XPO4: variants seen among roughly 807,000 people sequenced by gnomAD.
XPO4 encodes the protein exportin 4, also known as exportin-4.
Under a neutral mutation model 143.0 loss-of-function variants are expected in XPO4, and 39 were observed. The ratio of observed to expected loss-of-function variants is 0.27; its 90% CI spans 0.21 to 0.36. The LOEUF is 0.36. Among genes scored for constraint, XPO4 ranks in the 10% least tolerant of loss-of-function variants. XPO4 has a pLI of 1.00. For synonymous variants in XPO4, 439 were observed against 474.0 expected, an observed-to-expected ratio of 0.93 and a Z score of 0.96; for missense variants, 907 against 1,348.0, an observed-to-expected ratio of 0.67 and a Z score of 5.12.
At chr13:20,790,801 T>C (rs1027433594) in intron 18 of XPO4, among the ~76,000 whole-genome samples, 36 of 152,154 alleles carry the variant, frequency 2.4e-4, no homozygotes, top group African/African-American at 8.7e-4. Context: ...CCCTGTGTCA[T>C]CCTTTTGAGT....
At chr13:20,862,229 A>T (rs2060208005) in intron 3 of XPO4, among the ~76,000 whole-genome samples, 1 of 152,220 alleles carries the variant, frequency 6.6e-6, no homozygotes, top group South Asian at 2.1e-4. Flanking sequence ...GCATCAAAAG[A>T]ACAAGTAAAT....
intron 1 of XPO4, among the ~76,000 whole-genome samples, chr13:20,873,833 G>A (rs1156911363): frequency 6.6e-6 from 1 of 151,906 alleles, no homozygotes; most frequent in African/African-American, 2.4e-5. Context: ...CTTTTCCCTG[G>A]GCAGCAATAA....
intron 1 of XPO4, among the ~76,000 whole-genome samples, chr13:20,888,905 T>A (rs1423660083): frequency 6.6e-6 from 1 of 151,814 alleles, no homozygotes; most frequent in Non-Finnish European, 1.5e-5. Flanking sequence ...CGGGTTCAAG[T>A]GATTCTCCTG....
chr13:20,875,869 C>T (rs538675023), intron 1 of XPO4, among the ~76,000 whole-genome samples: 15 of 152,084 alleles, frequency 9.9e-5, no homozygotes, highest in Admixed American at 2.0e-4. Context: ...ACAAGTAATA[C>T]GATTCCAATT....
At chr13:20,857,843 C>T (rs556586004) in intron 3 of XPO4, 243 of 985,326 alleles carry the variant, frequency 2.5e-4, no homozygotes, top group African/African-American at 1.1e-3. Flanking sequence ...CACTATGCTA[C>T]ACTTGCCTCT....
intron 6 of XPO4, among the ~76,000 whole-genome samples, chr13:20,838,114 G>A (rs967328857): frequency 5.3e-5 from 8 of 152,128 alleles, no homozygotes; most frequent in African/African-American, 1.4e-4. Flanking sequence ...TTGCATGAGC[G>A]TAAATCTTGA....
At chr13:20,882,454 C>T (rs938432281) in intron 1 of XPO4, among the ~76,000 whole-genome samples, 1 of 152,082 alleles carries the variant, frequency 6.6e-6, no homozygotes, top group Non-Finnish European at 1.5e-5. Context: ...CTCCGGTGAA[C>T]TCAGAGGGAG....
rs190287703 is a variant in XPO4, at chr13:20,848,751, C to T, written c.457-4865G>A. On this transcript the variant is annotated intron_variant, in intron 4 of 22. Transcript: ENST00000255305. ...ACTTCTATGCCCAGCACTATGTTAA[C>T]ATAACAGAAGTTGGAAAATAAATGA... The T allele has an allele frequency of 2.5e-5, 25 of 985,270 alleles. No individual in the cohort carries two copies. In the African/African-American group the frequency reaches 3.7e-4, roughly 14 times the overall value. The allele number at this position is 985,270 out of a possible 1,614,324, so 61.0% of individuals were successfully genotyped here.
intron 14 of XPO4, 36 bp downstream of exon 14, chr13:20,800,795 T>C: frequency 1.2e-6 from 2 of 1,602,860 alleles, no homozygotes; most frequent in Non-Finnish European, 8.5e-7. Context: ...GCTATCATCA[T>C]AAATCCAAAT....
chr13:20,875,263 C>T (rs1409850185), intron 1 of XPO4, among the ~76,000 whole-genome samples: 1 of 152,132 alleles, frequency 6.6e-6, no homozygotes, highest in African/African-American at 2.4e-5. Context: ...TCCATTAACA[C>T]AAAATGAAAC....
In XPO4 at chr13:20,807,102, C is replaced by T. The variant is rs893304546; in HGVS notation, c.1817+355G>A. Reference sequence around the variant, plus strand: ...AGCTTTTATGAACGATACTTGTTGACGTTCATCTGGTTCCCTTCATTTAGG... The same window carrying T: ...AGCTTTTATGAACGATACTTGTTGATGTTCATCTGGTTCCCTTCATTTAGG... On this transcript the variant is annotated intron_variant, in intron 13 of 22. Coordinates refer to ENST00000255305, the MANE Select transcript of XPO4 (RefSeq NM_022459.5). 2.6e-5 allele frequency among the ~76,000 whole-genome samples: 4 copies of T among 152,222 alleles called. No individual in the cohort carries two copies. The South Asian group carries it at 8.3e-4, about 32-fold the overall frequency.
In XPO4 at chr13:20,839,573, A is replaced by G. The variant is rs182715646; in HGVS notation, c.727+3322T>C. ...TTATTGAGACTGGGCATGGTGGCTC[A>G]TGCCTGTAATGCCAGCACTTTGGGA... On this transcript the variant is annotated intron_variant, in intron 6 of 22. Transcript: ENST00000255305. Among the ~76,000 whole-genome samples, 510 of 152,358 alleles carry G rather than the reference A, an allele frequency of 3.3e-3. 4 individuals carry two copies. The highest frequency in any genetic ancestry group is 0.012 in the African/African-American group (490 of 41,576).
intron 18 of XPO4, among the ~76,000 whole-genome samples, chr13:20,795,794 A>G (rs1315350179): frequency 2.0e-5 from 3 of 152,210 alleles, no homozygotes; most frequent in African/African-American, 4.8e-5. Context: ...TAAAGTGAGA[A>G]TAACAATGGG....
chr13:20,854,332 G>A (rs980159078), intron 4 of XPO4, among the ~76,000 whole-genome samples: 2 of 152,158 alleles, frequency 1.3e-5, no homozygotes, highest in Admixed American at 6.5e-5. Flanking sequence ...TGATGGACAG[G>A]AAGGCAGAAG....
At chr13:20,864,185 A>C (rs755470122) in intron 2 of XPO4, among the ~76,000 whole-genome samples, 1 of 151,954 alleles carries the variant, frequency 6.6e-6, no homozygotes, top group Non-Finnish European at 1.5e-5. Flanking sequence ...AGCTTCTAAA[A>C]ATGTGAACCT....
chr13:20,797,609 T>C (rs1208619418), intron 16 of XPO4, among the ~76,000 whole-genome samples: 1 of 152,134 alleles, frequency 6.6e-6, no homozygotes, highest in Non-Finnish European at 1.5e-5. Flanking sequence ...TAAAAATACT[T>C]AGTCAGTCTG....
chr13:20,810,895 A>C (rs1368833274), intron 9 of XPO4, among the ~76,000 whole-genome samples: 1 of 152,232 alleles, frequency 6.6e-6, no homozygotes, highest in Non-Finnish European at 1.5e-5. Flanking sequence ...TTACTGAATT[A>C]AAGTGTTACA....
At chr13:20,819,629 C>T (rs1254700332) in intron 9 of XPO4, among the ~76,000 whole-genome samples, 1 of 151,990 alleles carries the variant, frequency 6.6e-6, no homozygotes, top group Non-Finnish European at 1.5e-5. Flanking sequence ...CATCGCAGTC[C>T]AGCCTGGGCG....
intron 9 of XPO4, among the ~76,000 whole-genome samples, chr13:20,810,988 CAG>C (rs1435624921): frequency 1.3e-5 from 2 of 152,302 alleles, no homozygotes; most frequent in East Asian, 3.9e-4. Context: ...GGCTGTTTCA[CAG>C]AGTTACTTGT....
Sources: allele counts gnomAD v4.1 joint callset (sites outside exome capture counted in the v4.1 genomes callset), GRCh38; gene constraint gnomAD v4.1.1; transcripts MANE v1.5; gene names NCBI Gene and HGNC (gene_info 2026-07-23, HGNC 2026-07-21).